Variants in CADPS observed in about 807,000 individuals in gnomAD.
CADPS encodes calcium dependent secretion activator.
A neutral mutation model predicts 167.3 loss-of-function variants in CADPS; 57 were observed. That is an observed-to-expected ratio of 0.34 (90% CI 0.28 to 0.42). The LOEUF is 0.42. Among genes scored for constraint, CADPS ranks in the 20% least tolerant of loss-of-function variants. The pLI is 1.00. For missense variants in CADPS, 1,414 were observed against 1,738.1 expected (o/e 0.81, Z 3.32); for synonymous variants, 676 against 635.3 (o/e 1.06, Z -0.96).
At chr3:62,489,032 A>G (rs2063272629) in intron 21 of CADPS, among the ~76,000 whole-genome samples, 1 of 152,222 alleles carries the variant, frequency 6.6e-6, no homozygotes, top group Non-Finnish European at 1.5e-5. Context: ...AATTGGTAAA[A>G]ATATTCCCAA....
intron 8 of CADPS, among the ~76,000 whole-genome samples, chr3:62,581,545 G>C (rs1201554216): frequency 1.3e-5 from 2 of 151,928 alleles, no homozygotes; most frequent in South Asian, 2.1e-4. Context: ...GCTGGGCGTG[G>C]TGGTACATGG....
rs901038023 is a variant in CADPS at position 62,401,715 on chromosome 3, T to C, written c.3882+1366A>G. 4.0e-5 allele frequency among the ~76,000 whole-genome samples: 6 copies of C among 149,134 alleles called. 1 individual carries two copies. ...GGCAGTGACTTTTCTATATCCCTTC[T>C]CTGTGGCTCATACCACATTTTTTTT... On this transcript the variant is annotated intron_variant, in intron 29 of 29. Coordinates refer to ENST00000383710, the MANE Select transcript of CADPS (RefSeq NM_003716.4).
At chr3:62,508,147 A>C (rs6774264) in intron 17 of CADPS, among the ~76,000 whole-genome samples, 99,918 of 152,052 alleles carry the variant, frequency 0.66, 35,549 homozygotes, top group Non-Finnish European at 0.8. Flanking sequence ...CAAATGTCCT[A>C]CTGGAAGCTC....
chr3:62,710,376 A>AT (rs977597795), intron 3 of CADPS, among the ~76,000 whole-genome samples: 7 of 151,592 alleles, frequency 4.6e-5, no homozygotes, highest in South Asian at 2.1e-4. Context: ...GAAAACTGCT[A>AT]TTTTTTTAAA....
At chr3:62,630,294 G>A (rs62242484) in intron 6 of CADPS, among the ~76,000 whole-genome samples, 41,298 of 152,090 alleles carry the variant, frequency 0.27, 6,648 homozygotes, top group Non-Finnish European at 0.35. Flanking sequence ...TAATTTGGTT[G>A]AATTGATAAT....
chr3:62,779,326 T>G (rs1451571380), intron 1 of CADPS: 1 of 398,944 alleles, frequency 2.5e-6, no homozygotes, highest in Non-Finnish European at 5.0e-6. Context: ...AGTGGTCATC[T>G]TTTTTTCTGG....
At chr3:62,698,662 C>G (rs2080810637) in intron 3 of CADPS, among the ~76,000 whole-genome samples, 1 of 149,002 alleles carries the variant, frequency 6.7e-6, no homozygotes, top group Non-Finnish European at 1.5e-5. Context: ...CTTTCTTATT[C>G]TTTTCCTCCT....
At chr3:62,481,921 A>T (rs1333485170) in intron 21 of CADPS, 52 bp from the exon 22 acceptor site, 2 of 1,548,284 alleles carry the variant, frequency 1.3e-6, no homozygotes, top group Non-Finnish European at 1.8e-6. Flanking sequence ...GACAATGCAG[A>T]TGTGGCAGAA....
chr3:62,494,149 T>C (rs1327247293), intron 18 of CADPS, among the ~76,000 whole-genome samples: 1 of 152,196 alleles, frequency 6.6e-6, no homozygotes, highest in Non-Finnish European at 1.5e-5. Flanking sequence ...GAGTCACATC[T>C]GCAATTGAAT....
At chr3:62,403,214 C>A in intron 28 of CADPS, 29 bp from the exon 29 acceptor site, 1 of 1,466,832 alleles carries the variant, frequency 6.8e-7, no homozygotes, top group South Asian at 1.1e-5. Context: ...GTTCTCCAGC[C>A]AACACATCAT....
intron 1 of CADPS, among the ~76,000 whole-genome samples, chr3:62,802,548 T>A (rs1381726892): frequency 1.3e-5 from 2 of 152,152 alleles, no homozygotes; most frequent in Non-Finnish European, 2.9e-5. Flanking sequence ...AACATTTTAA[T>A]TGAATGAATC....
intron 3 of CADPS, among the ~76,000 whole-genome samples, chr3:62,687,797 T>C (rs571313473): frequency 1.2e-3 from 177 of 150,862 alleles, no homozygotes; most frequent in African/African-American, 4.2e-3. Context: ...GCTCTTATTA[T>C]GCAGTCTTTT....
At chr3:62,474,389 G>A in intron 23 of CADPS, 69 bp from the exon 24 acceptor site, 9 of 1,463,908 alleles carry the variant, frequency 6.1e-6, no homozygotes, top group Non-Finnish European at 8.5e-6. Flanking sequence ...GATATTTTCT[G>A]AGAGGTCAGT....
chr3:62,437,429 A>G (rs921746460), intron 28 of CADPS, among the ~76,000 whole-genome samples: 2 of 150,008 alleles, frequency 1.3e-5, no homozygotes, highest in African/African-American at 4.9e-5. Flanking sequence ...CTCAAAAATG[A>G]TTAACCCTTG....
At chr3:62,590,886 C>T (rs2085843124) in intron 7 of CADPS, among the ~76,000 whole-genome samples, 1 of 152,002 alleles carries the variant, frequency 6.6e-6, no homozygotes, top group Non-Finnish European at 1.5e-5. Context: ...TGGAGTTTCA[C>T]TCCTGTTGCC....
chr3:62,449,369 A>C (rs751247002), intron 26 of CADPS, among the ~76,000 whole-genome samples: 6 of 152,196 alleles, frequency 3.9e-5, no homozygotes, highest in Non-Finnish European at 8.8e-5. Context: ...TAGAGGTAGG[A>C]AGTTGTCACC....
At chr3:62,818,585 G>A (rs1484315430) in intron 1 of CADPS, among the ~76,000 whole-genome samples, 1 of 152,188 alleles carries the variant, frequency 6.6e-6, no homozygotes, top group Non-Finnish European at 1.5e-5. Flanking sequence ...GCATTGCTGG[G>A]AGATGTGTAA....
chr3:62,817,669 T>C (rs942440532), intron 1 of CADPS, among the ~76,000 whole-genome samples: 1 of 152,208 alleles, frequency 6.6e-6, no homozygotes, highest in Admixed American at 6.5e-5. Flanking sequence ...ATCTCTTCTG[T>C]CTTTAAGCAG....
chr3:62,778,796 T>C (rs1361474185), intron 1 of CADPS, among the ~76,000 whole-genome samples: 4 of 152,226 alleles, frequency 2.6e-5, no homozygotes, highest in Admixed American at 1.3e-4. Context: ...AACTATGGTA[T>C]ATTTTTATAA....
Sources: gnomAD v4.1 joint callset for allele counts (sites outside exome capture counted in the v4.1 genomes callset) on GRCh38, gnomAD v4.1.1 for gene constraint, MANE v1.5 for transcripts, NCBI Gene and HGNC (gene_info 2026-07-23, HGNC 2026-07-21) for gene names.